Variants in CDH8 observed in about 807,000 individuals in gnomAD.
CDH8 encodes the protein cadherin-8.
A neutral mutation model predicts 68.1 loss-of-function variants in CDH8; 17 were observed. The observed-to-expected ratio is 0.25, with a 90% confidence interval of 0.17 to 0.37. CDH8 has a LOEUF of 0.37. Ranked by LOEUF, CDH8 falls within the 10% of genes least tolerant of loss-of-function variation. The probability of loss-of-function intolerance (pLI) is 1.00; values close to 1 mark genes in which losing one functional copy is unlikely to be tolerated. For synonymous variants in CDH8, 372 were observed against 365.1 expected, an observed-to-expected ratio of 1.02 and a Z score of -0.21; for missense variants, 763 against 999.3, an observed-to-expected ratio of 0.76 and a Z score of 3.19.
chr16:61,982,195 A>G (rs1346692193), intron 2 of CDH8, among the ~76,000 whole-genome samples: 1 of 151,464 alleles, frequency 6.6e-6, no homozygotes, highest in Non-Finnish European at 1.5e-5. Context: ...AGAATTCTCT[A>G]CTCTTTAGCT....
intron 3 of CDH8, among the ~76,000 whole-genome samples, chr16:61,857,517 T>A (rs900528423): frequency 1.3e-5 from 2 of 152,106 alleles, no homozygotes; most frequent in African/African-American, 4.8e-5. Context: ...ATTAGAAGCA[T>A]GCAGGCTTGG....
chr16:62,009,288 G>T (rs145194558), intron 2 of CDH8, among the ~76,000 whole-genome samples: 1 of 152,258 alleles, frequency 6.6e-6, no homozygotes, highest in Non-Finnish European at 1.5e-5. Context: ...AAGTCACCAA[G>T]TTGGGGGCTG....
chr16:61,703,383 T>G (rs544065092), intron 10 of CDH8, among the ~76,000 whole-genome samples: 2 of 152,280 alleles, frequency 1.3e-5, no homozygotes, highest in East Asian at 3.9e-4. Context: ...GATAGAGAAT[T>G]TTAGATAATT....
rs949559178 is a variant in CDH8, at chr16:61,648,532, C to T, written c.*5076G>A. ...AAAAGTCTCATAATTACAGAGATAA[C>T]TGTTTAGTTGAAAGTTAAGGGGATT... On this transcript the variant is annotated 3_prime_UTR_variant, in exon 12 of 12. Transcript: ENST00000577390. The T allele has an allele frequency of 1.2e-4, 18 of 151,774 alleles. 1 individual carries two copies. The highest frequency in any genetic ancestry group is 1.1e-3 in the Admixed American group (17 of 15,200). The allele number at this position is 151,774 out of a possible 1,614,324, so 9.4% of individuals were successfully genotyped here. A position where few individuals can be genotyped will look rare whatever the true frequency, so the allele number is the denominator to read the frequency against.
At chr16:61,767,340 C>T (rs1472439794) in intron 8 of CDH8, among the ~76,000 whole-genome samples, 1 of 151,844 alleles carries the variant, frequency 6.6e-6, no homozygotes, top group Non-Finnish European at 1.5e-5. Context: ...CATGAAAAGT[C>T]TTAGGGTTGA....
At chr16:61,809,909 C>T (rs981478330) in intron 7 of CDH8, among the ~76,000 whole-genome samples, 3 of 152,162 alleles carry the variant, frequency 2.0e-5, no homozygotes, top group Admixed American at 6.5e-5. Flanking sequence ...ACCCGGTCAC[C>T]CTATCTTTAG....
Position 61,654,072 on chromosome 16 carries a change from G to A in CDH8, c.1936C>T (p.Arg646Trp), listed in dbSNP as rs751357942. ...ATAATTAATGGTTCATTTTTATGCC[G>A]CCGTAGAGTTACAAACAGCACCACG... The part of the protein sequence containing the change: ...VIVVLFVTLR[R>W]HKNEPLIIKD... The change falls in exon 12 of 12, where the codon CGG becomes TGG. Residue 646 changes from arginine to tryptophan, a missense_variant. By Grantham distance (101) the Arg-to-Trp change is moderately radical. Around this residue, in one of 2 missense-constraint regions of CDH8, gnomAD observed 397 missense variants for 436.2 expected, o/e 0.91. Coordinates refer to ENST00000577390, the MANE Select transcript of CDH8 (RefSeq NM_001796.5). 9.3e-6 allele frequency: 15 copies of A among 1,613,616 alleles called. No homozygotes were observed. The highest frequency in any genetic ancestry group is 1.6e-4 in the Middle Eastern group (1 of 6,084).
intron 4 of CDH8, among the ~76,000 whole-genome samples, chr16:61,849,484 C>T (rs538800706): frequency 2.0e-5 from 3 of 152,216 alleles, no homozygotes; most frequent in South Asian, 4.1e-4. Flanking sequence ...CAAGGGACTC[C>T]ACATGTAACA....
At chr16:61,742,317 T>C (rs2142926761) in intron 8 of CDH8, among the ~76,000 whole-genome samples, 1 of 152,236 alleles carries the variant, frequency 6.6e-6, no homozygotes, top group South Asian at 2.1e-4. Context: ...ATTTCTCTCT[T>C]TCCGATATTT....
intron 10 of CDH8, among the ~76,000 whole-genome samples, chr16:61,675,517 T>G (rs1215509624): frequency 6.7e-6 from 1 of 149,142 alleles, no homozygotes; most frequent in Non-Finnish European, 1.5e-5. Flanking sequence ...AGTTAGTGGG[T>G]GCAGCACACC....
intron 2 of CDH8, among the ~76,000 whole-genome samples, chr16:61,968,487 C>A (rs1191137984): frequency 6.6e-6 from 1 of 152,148 alleles, no homozygotes; most frequent in Non-Finnish European, 1.5e-5. Flanking sequence ...ACAATCCTCT[C>A]CATCTCCAAG....
chr16:62,010,737 G>A (rs1043255500), intron 2 of CDH8, among the ~76,000 whole-genome samples: 1 of 152,090 alleles, frequency 6.6e-6, no homozygotes. Flanking sequence ...TTGGCAGTTC[G>A]AGACCAGCCT....
At chr16:61,930,523 A>C (rs182238987) in intron 2 of CDH8, among the ~76,000 whole-genome samples, 1 of 152,112 alleles carries the variant, frequency 6.6e-6, no homozygotes, top group African/African-American at 2.4e-5. Context: ...AAAGTATTTG[A>C]AAGTAGCTTA....
chr16:61,794,987 TA>T (rs1327329611), intron 7 of CDH8, among the ~76,000 whole-genome samples: 1 of 151,868 alleles, frequency 6.6e-6, no homozygotes, highest in Non-Finnish European at 1.5e-5. Flanking sequence ...ACCCCATCTC[TA>T]GCTGCAAAGA....
chr16:61,656,883 A>G (rs1256208422), intron 10 of CDH8, among the ~76,000 whole-genome samples: 1 of 152,170 alleles, frequency 6.6e-6, no homozygotes, highest in Non-Finnish European at 1.5e-5. Context: ...CATGAATTGC[A>G]GTCACATTGT....
chr16:61,666,759 G>A (rs1312513069), intron 10 of CDH8, among the ~76,000 whole-genome samples: 8 of 152,000 alleles, frequency 5.3e-5, no homozygotes, highest in African/African-American at 1.9e-4. Flanking sequence ...ACTGTGTTTA[G>A]TAGGTATGGA....
At chr16:61,883,966 T>TC (rs1451538000) in intron 3 of CDH8, among the ~76,000 whole-genome samples, 4 of 151,838 alleles carry the variant, frequency 2.6e-5, no homozygotes, top group Non-Finnish European at 5.9e-5. Context: ...AGGTTTTTTT[T>TC]TAAATAAATG....
intron 10 of CDH8, among the ~76,000 whole-genome samples, chr16:61,708,014 T>G (rs1198927030): frequency 2.0e-5 from 3 of 152,170 alleles, no homozygotes; most frequent in Non-Finnish European, 4.4e-5. Flanking sequence ...TCTTCCTTTA[T>G]TATTTTATAT....
chr16:61,743,794 T>TTTC (rs1328868114), intron 8 of CDH8, among the ~76,000 whole-genome samples: 1 of 152,190 alleles, frequency 6.6e-6, no homozygotes, highest in African/African-American at 2.4e-5. Context: ...TTAAGGTCAA[T>TTTC]TTCCCTGTAG....
Sources: gnomAD v4.1 joint callset for allele counts (sites outside exome capture counted in the v4.1 genomes callset) on GRCh38, gnomAD v4.1.1 for gene constraint, gnomAD v4.1.1 regional missense constraint, MANE v1.5 for transcripts, NCBI Gene and HGNC (gene_info 2026-07-23, HGNC 2026-07-21) for gene names.